Variants in RLN2 observed in about 807,000 individuals in gnomAD.
RLN2 encodes the protein prorelaxin H2.
In RLN2, 10 loss-of-function variants were observed where a neutral mutation model predicts 7.3. That is an observed-to-expected ratio of 1.36 (90% CI 0.84 to 2.31). The LOEUF (loss-of-function observed/expected upper bound fraction) is 2.31, where lower values mean the gene tolerates loss of function less well. Ranked by LOEUF, RLN2 falls within the 30% of genes most tolerant of loss-of-function variation. The pLI is 0.00. For missense variants in RLN2, 298 were observed against 217.6 expected (o/e 1.37, Z -2.32); for synonymous variants, 103 against 82.3 (o/e 1.25, Z -1.36).
the RLN2 span, among the ~76,000 whole-genome samples, chr9:5,337,800 A>G: frequency 6.6e-6 from 1 of 152,030 alleles, no homozygotes; most frequent in Non-Finnish European, 1.5e-5. Context: ...TTGAAATCTC[A>G]TGTCTCTTCT....
the RLN2 span, among the ~76,000 whole-genome samples, chr9:5,332,452 C>T: frequency 1.3e-5 from 2 of 151,990 alleles, no homozygotes; most frequent in South Asian, 4.2e-4. Context: ...GTGCTGGAAG[C>T]CTGGCTAGAA....
chr9:5,329,772 G>C, the RLN2 span, among the ~76,000 whole-genome samples: 2 of 151,860 alleles, frequency 1.3e-5, no homozygotes, highest in Admixed American at 1.3e-4. Flanking sequence ...AGTCCTTAGA[G>C]ACATATAAAG....
chr9:5,311,757 T>C, the RLN2 span: 5 of 870,124 alleles, frequency 5.7e-6, no homozygotes, highest in African/African-American at 3.4e-5. Context: ...CTGGTGACTG[T>C]AGAGTTTGAA....
the RLN2 span, among the ~76,000 whole-genome samples, chr9:5,313,847 G>A: frequency 6.6e-6 from 1 of 151,934 alleles, no homozygotes; most frequent in South Asian, 2.1e-4. Context: ...ATACATTAAA[G>A]GTGTATTAGA....
chr9:5,336,754 A>G, the RLN2 span, among the ~76,000 whole-genome samples: 1 of 151,978 alleles, frequency 6.6e-6, no homozygotes, highest in Non-Finnish European at 1.5e-5. Context: ...ACTATCCAAT[A>G]CCAAGGCATT....
At chr9:5,326,726 T>C in the RLN2 span, among the ~76,000 whole-genome samples, 2 of 152,054 alleles carry the variant, frequency 1.3e-5, no homozygotes, top group African/African-American at 4.8e-5. Context: ...TTCAAAATTT[T>C]TATAAAGTGT....
At chr9:5,327,474 G>A in the RLN2 span, among the ~76,000 whole-genome samples, 123 of 152,170 alleles carry the variant, frequency 8.1e-4, no homozygotes, top group African/African-American at 2.9e-3. Context: ...TCTAGCGGCA[G>A]GGCATAGTAG....
chr9:5,324,533 A>G, the RLN2 span, among the ~76,000 whole-genome samples: 1 of 152,140 alleles, frequency 6.6e-6, no homozygotes, highest in East Asian at 1.9e-4. Context: ...TGTATTTCTA[A>G]TTTGTCTTTG....
chr9:5,329,910 C>A, the RLN2 span, among the ~76,000 whole-genome samples: 1 of 152,074 alleles, frequency 6.6e-6, no homozygotes, highest in Non-Finnish European at 1.5e-5. Context: ...CCAAGCAGAC[C>A]TAATAGACAT....
upstream of RLN2, among the ~76,000 whole-genome samples, chr9:5,307,092 C>T (rs1251596674): frequency 6.6e-6 from 1 of 152,006 alleles, no homozygotes; most frequent in Non-Finnish European, 1.5e-5. Context: ...TATGCTTAGA[C>T]ACAGCTGCCT....
the RLN2 span, among the ~76,000 whole-genome samples, chr9:5,325,613 C>T: frequency 6.6e-6 from 1 of 151,796 alleles, no homozygotes; most frequent in Non-Finnish European, 1.5e-5. Context: ...GACTTGGTCT[C>T]AAAAAAATAT....
the RLN2 span, among the ~76,000 whole-genome samples, chr9:5,323,325 C>T: frequency 6.6e-6 from 1 of 151,884 alleles, no homozygotes; most frequent in Non-Finnish European, 1.5e-5. Context: ...AATTCATAGA[C>T]CAGCCAAAAA....
chr9:5,307,271 G>GGATA (rs148888922), upstream of RLN2, among the ~76,000 whole-genome samples: 5,407 of 143,500 alleles, frequency 0.038, 130 homozygotes, highest in Non-Finnish European at 0.048. Context: ...GATAGATAGA[G>GGATA]GATAGATAGA....
the RLN2 span, among the ~76,000 whole-genome samples, chr9:5,329,234 C>T: frequency 0.29 from 40,774 of 141,138 alleles, 6,146 homozygotes; most frequent in East Asian, 0.45. Context: ...ACCCGGGAAG[C>T]GGAGCTTGCA....
the RLN2 span, among the ~76,000 whole-genome samples, chr9:5,325,125 T>G: frequency 1.3e-5 from 2 of 152,012 alleles, no homozygotes; most frequent in Admixed American, 6.6e-5. Flanking sequence ...GAAAAATAAC[T>G]GCTATTGCTG....
chr9:5,315,102 G>T, the RLN2 span, among the ~76,000 whole-genome samples: 1 of 151,064 alleles, frequency 6.6e-6, no homozygotes, highest in Admixed American at 6.6e-5. Flanking sequence ...TAAAAGACAA[G>T]GTGCCAGTAA....
chr9:5,311,719 T>C, the RLN2 span: 137 of 1,158,984 alleles, frequency 1.2e-4, 2 homozygotes, highest in African/African-American at 1.5e-3. Context: ...CCAAGTGAAG[T>C]GTGTGCATTT....
chr9:5,317,534 C>T, the RLN2 span, among the ~76,000 whole-genome samples: 64,932 of 149,184 alleles, frequency 0.44, 15,357 homozygotes, highest in African/African-American at 0.61. Flanking sequence ...CACCCTATTT[C>T]AAAGCCTATA....
the RLN2 span, among the ~76,000 whole-genome samples, chr9:5,310,551 TC>T: frequency 1.3e-5 from 2 of 152,006 alleles, 1 homozygote; most frequent in South Asian, 4.1e-4. Flanking sequence ...TGGCTCCCAT[TC>T]CCCATAGTGC....
Sources: gnomAD v4.1 joint callset for allele counts (sites outside exome capture counted in the v4.1 genomes callset) on GRCh38, gnomAD v4.1.1 for gene constraint, MANE v1.5 for transcripts, NCBI Gene and HGNC (gene_info 2026-07-23, HGNC 2026-07-21) for gene names.